The following SYT1 variants were observed in gnomAD, a reference collection of about 807,000 sequenced individuals.
The protein encoded by SYT1 is synaptotagmin-1.
In SYT1, 8 loss-of-function variants were observed where a neutral mutation model predicts 44.8. That is an observed-to-expected ratio of 0.18 (90% confidence interval 0.10 to 0.32). SYT1 has a LOEUF of 0.32. Ranked by LOEUF, SYT1 falls within the 10% of genes least tolerant of loss-of-function variation. The pLI is 1.00. For synonymous variants in SYT1, 154 were observed against 188.8 expected, an observed-to-expected ratio of 0.82 and a Z score of 1.51; for missense variants, 286 against 509.3, an observed-to-expected ratio of 0.56 and a Z score of 4.22.
At chr12:79,070,096 T>C (rs148169398) in intron 3 of SYT1, among the ~76,000 whole-genome samples, 2 of 152,258 alleles carry the variant, frequency 1.3e-5, no homozygotes, top group East Asian at 3.9e-4. Context: ...CCAAAGCCTA[T>C]TCTTTGAAGG....
At position 79,061,425 on chromosome 12, in the gene SYT1, G is replaced by T. The variant is rs140816682; in HGVS notation, c.-18+14063G>T. On this transcript the variant is annotated intron_variant, in intron 3 of 10. Transcript: ENST00000261205. ...AAATGAGGAAGGAGAGGATCAGAAA[G>T]GTTAAGTGACTTTCTCAGTTAATAA... Among the ~76,000 whole-genome samples, 383 of 152,142 alleles carry T rather than the reference G, an allele frequency of 2.5e-3. 2 individuals carry two copies. Among genetic ancestry groups the T allele is most frequent in the African/African-American group, 8.8e-3 (364 of 41,538 alleles).
intron 2 of SYT1, among the ~76,000 whole-genome samples, chr12:79,028,421 A>G (rs1208513982): frequency 6.6e-6 from 1 of 151,466 alleles, no homozygotes; most frequent in African/African-American, 2.4e-5. Context: ...GAATATTGAT[A>G]GAGCTAAGTG....
intron 3 of SYT1, among the ~76,000 whole-genome samples, chr12:79,183,217 T>C (rs898354149): frequency 6.6e-6 from 1 of 151,910 alleles, no homozygotes; most frequent in Non-Finnish European, 1.5e-5. Flanking sequence ...AGCTTACACA[T>C]GCAGCACCAC....
chr12:79,293,202 T>C (rs2138855622), intron 6 of SYT1, among the ~76,000 whole-genome samples: 1 of 149,686 alleles, frequency 6.7e-6, no homozygotes, highest in South Asian at 2.1e-4. Flanking sequence ...CAGGCGCCTG[T>C]AGTCCCAGCT....
At chr12:79,071,463 A>T (rs892400849) in intron 3 of SYT1, among the ~76,000 whole-genome samples, 1 of 152,208 alleles carries the variant, frequency 6.6e-6, no homozygotes, top group Admixed American at 6.6e-5. Flanking sequence ...AATAAACACT[A>T]CTATAGATCA....
Position 79,285,816 on chromosome 12 carries a change from A to G in SYT1, c.196A>G (p.Ile66Val), listed in dbSNP as rs1281576578. The G allele has an allele frequency of 5.6e-6, 9 of 1,610,840 alleles. No homozygotes were observed. The highest frequency in any genetic ancestry group is 2.2e-5 in the East Asian group (1 of 44,838). ...ACCGTGGGCCTTAATTGCAATAGCCATAGTCGCAGTCCTTTTAGTCCTGAC... is the reference window on the plus strand; with the variant it reads ...ACCGTGGGCCTTAATTGCAATAGCCGTAGTCGCAGTCCTTTTAGTCCTGAC... The part of the protein sequence containing the change: ...LPPWALIAIA[I>V]VAVLLVLTCC... Residue 66 changes from isoleucine to valine, a missense_variant, in exon 5 of 11, where the codon ATA becomes GTA. By Grantham distance (29) the Ile-to-Val change is conservative (BLOSUM62 3). This residue lies in a region of SYT1 where 141 missense variants were observed against 165.7 expected (regional missense o/e 0.85). Coordinates refer to ENST00000261205, the MANE Select transcript of SYT1 (RefSeq NM_005639.3).
intron 1 of SYT1, among the ~76,000 whole-genome samples, chr12:78,908,281 T>C (rs1876112370): frequency 6.6e-6 from 1 of 151,978 alleles, no homozygotes; most frequent in Non-Finnish European, 1.5e-5. Flanking sequence ...TTCATGGAAT[T>C]TCCCATTTCT....
intron 8 of SYT1, among the ~76,000 whole-genome samples, chr12:79,342,487 TC>T (rs1442334002): frequency 6.6e-6 from 1 of 152,208 alleles, no homozygotes; most frequent in East Asian, 1.9e-4. Flanking sequence ...CTCCTTGGCC[TC>T]CCAAAGTGCG....
intron 8 of SYT1, among the ~76,000 whole-genome samples, chr12:79,348,368 C>G (rs1265120461): frequency 1.3e-5 from 2 of 152,038 alleles, no homozygotes; most frequent in South Asian, 4.1e-4. Flanking sequence ...TCCCAGGATG[C>G]AGGACTTTTA....
At chr12:78,970,758 A>T (rs1319788626) in intron 1 of SYT1, among the ~76,000 whole-genome samples, 1 of 152,238 alleles carries the variant, frequency 6.6e-6, no homozygotes, top group African/African-American at 2.4e-5. Flanking sequence ...TAATTACCCA[A>T]GATTCTCAAC....
rs1483215930 is a variant in SYT1 at position 79,451,349 on chromosome 12, A to G, written c.*2225A>G. 1 of 152,206 alleles carries G rather than the reference A, an allele frequency of 6.6e-6. No homozygotes were observed. Among genetic ancestry groups the G allele is most frequent in the Non-Finnish European group, 1.5e-5 (1 of 68,038 alleles). 9.4% of individuals were successfully genotyped at this position (152,206 alleles called of 1,614,324 possible). ...GGTTTGAACAGAAAATTCAAACAAG[A>G]CTCTTTCCAATTTAAAGGGCCAAAC... On this transcript the variant is annotated 3_prime_UTR_variant, in exon 11 of 11. Transcript: ENST00000261205.
chr12:79,179,237 T>TAG (rs1872220427), intron 3 of SYT1, among the ~76,000 whole-genome samples: 1 of 65,798 alleles, frequency 1.5e-5, no homozygotes, highest in African/African-American at 2.1e-4. Context: ...TAGATATAGA[T>TAG]ATATAGATAT....
chr12:79,001,451 A>G (rs1332919352), intron 2 of SYT1, among the ~76,000 whole-genome samples: 2 of 152,282 alleles, frequency 1.3e-5, no homozygotes, highest in East Asian at 3.9e-4. Flanking sequence ...TATAAAGAAC[A>G]CAGTTCAAAC....
intron 3 of SYT1, among the ~76,000 whole-genome samples, chr12:79,203,086 G>GAA (rs11421664): frequency 1.6e-4 from 24 of 149,490 alleles, no homozygotes; most frequent in Non-Finnish European, 2.7e-4. Context: ...TAAGCCTATG[G>GAA]AAAAAAAAAT....
chr12:79,036,913 A>G (rs2137697882), intron 2 of SYT1, among the ~76,000 whole-genome samples: 1 of 151,916 alleles, frequency 6.6e-6, no homozygotes, highest in Non-Finnish European at 1.5e-5. Flanking sequence ...CCACTCTCTC[A>G]TTTCACAGCT....
chr12:79,449,248 C>CTT lies in SYT1; in HGVS notation c.*125_*126dup. The CTT allele has an allele frequency of 9.7e-7, 1 of 1,028,042 alleles. No individual in the cohort carries two copies. Among genetic ancestry groups the CTT allele is most frequent in the Non-Finnish European group, 1.4e-6 (1 of 712,922 alleles). The allele number at this position is 1,028,042 out of a possible 1,614,324, so 63.7% of individuals were successfully genotyped here. A position where few individuals can be genotyped will look rare whatever the true frequency, so the allele number is the denominator to read the frequency against. On this transcript the variant is annotated 3_prime_UTR_variant, in exon 11 of 11. Transcript: ENST00000261205. The stretch of plus-strand genomic sequence containing the variant: ...GCATTCCTAACACAATTCAGTGGTA[C>CTT]TTGGAATCCTGTTTTAATTTGCACA...
At chr12:78,989,984 G>T (rs146113142) in intron 2 of SYT1, among the ~76,000 whole-genome samples, 3 of 152,240 alleles carry the variant, frequency 2.0e-5, no homozygotes, top group Non-Finnish European at 4.4e-5. Flanking sequence ...CTGATAAGGG[G>T]ATAGACAGAC....
chr12:78,962,267 C>T (rs980139986), intron 1 of SYT1, among the ~76,000 whole-genome samples: 5 of 150,090 alleles, frequency 3.3e-5, no homozygotes, highest in African/African-American at 1.2e-4. Flanking sequence ...CGTTAAATAA[C>T]TTAATACGAG....
At chr12:79,445,317 G>A (rs957035618) in intron 10 of SYT1, among the ~76,000 whole-genome samples, 1 of 151,996 alleles carries the variant, frequency 6.6e-6, no homozygotes, top group African/African-American at 2.4e-5. Flanking sequence ...CTTGGGAACA[G>A]TCAATATCCT....
Sources: allele counts gnomAD v4.1 joint callset (sites outside exome capture counted in the v4.1 genomes callset), GRCh38; gene constraint gnomAD v4.1.1; regional missense constraint gnomAD v4.1.1; transcripts MANE v1.5; gene names NCBI Gene and HGNC (gene_info 2026-07-23, HGNC 2026-07-21).